The following KIAA1217 variants were observed in gnomAD, a reference collection of about 807,000 sequenced individuals.
The protein encoded by KIAA1217 is sickle tail protein homolog.
KIAA1217 carries 88 observed loss-of-function variants against 163.9 expected under a neutral mutation model. That is an observed-to-expected ratio of 0.54 (90% CI 0.45 to 0.64). KIAA1217 has a LOEUF of 0.64. Ranked by LOEUF, KIAA1217 falls within the 30% of genes least tolerant of loss-of-function variation. The pLI is 0.00. For missense variants in KIAA1217, 2,372 were observed against 2,475.0 expected (o/e 0.96, Z 0.88); for synonymous variants, 903 against 923.1 (o/e 0.98, Z 0.39).
At position 23,776,011 on chromosome 10, in the gene KIAA1217, C is replaced by G. The variant is rs1365130432; in HGVS notation, c.-321+80777C>G. On this transcript the variant is annotated intron_variant, in intron 1 of 18. Transcript: ENST00000376462. ...TGAAAGTTACATTGAATTAAAATGA[C>G]TTTCACAGAGTCACATAAAGAACTC... Among the ~76,000 whole-genome samples, 3 of 152,104 alleles carry G rather than the reference C, an allele frequency of 2.0e-5. No homozygotes were observed. In the East Asian group the frequency reaches 5.8e-4, roughly 29 times the overall value.
intron 10 of KIAA1217, among the ~76,000 whole-genome samples, chr10:24,517,336 G>C (rs373909729): frequency 1.1e-4 from 16 of 152,156 alleles, no homozygotes; most frequent in African/African-American, 3.9e-4. Context: ...ATAGCTAGAA[G>C]AGAAGAACTA....
chr10:24,000,586 A>G (rs1470057168), intron 1 of KIAA1217, among the ~76,000 whole-genome samples: 2 of 152,338 alleles, frequency 1.3e-5, no homozygotes, highest in Middle Eastern at 3.4e-3. Context: ...TCGGGCATTG[A>G]GTAACACAAT....
chr10:24,539,289 C>T lies in KIAA1217; in HGVS notation c.3534+2396C>T, dbSNP rs531164066. On this transcript the variant is annotated intron_variant, in intron 17 of 20. Coordinates refer to ENST00000376454, the MANE Select transcript of KIAA1217 (RefSeq NM_019590.5). ...TATCACCCAAGCTGGAGTGCAATGG[C>T]GCCATCTCAGCTCACTGCAACCTCC... Among the ~76,000 whole-genome samples, 13 of 152,066 alleles carry T rather than the reference C, an allele frequency of 8.5e-5. No individual in the cohort carries two copies. In the East Asian group the frequency reaches 1.6e-3, roughly 18 times the overall value.
rs1006854523 is a variant in KIAA1217 at position 23,695,802 on chromosome 10, G to C, written c.-321+568G>C. Among the ~76,000 whole-genome samples the C allele has an allele frequency of 1.3e-5, 2 of 152,218 alleles. No individual in the cohort carries two copies. Among genetic ancestry groups the C allele is most frequent in the Non-Finnish European group, 2.9e-5 (2 of 68,032 alleles). ...GAGACGCTCCAGACTCTCCGGAGGC[G>C]GCAGAGGTCGAGGCAGGAGGCGAAT... is the stretch of plus-strand genomic sequence containing the variant. On this transcript the variant is annotated intron_variant, in intron 1 of 18. Coordinates refer to the KIAA1217 transcript ENST00000376462. This position sits in a 1 kb window ranked among gnomAD's most constrained non-coding sequence, Gnocchi z 4.9.
In KIAA1217 at chr10:24,521,820, C is replaced by T. The variant is rs770917985; in HGVS notation, c.2347C>T (p.Leu783=). ...PTLQNKMRAI[L]RIEVEAVRFL... ...CTTACAAAACAAGATGCGAGCCATC[C>T]TGCGCATAGAAGTGGAGGCCGTGCG... The change falls in exon 12 of 21, where the codon CTG becomes TTG. Residue 783 remains leucine (L), a synonymous_variant. Coordinates refer to ENST00000376454, the MANE Select transcript of KIAA1217 (RefSeq NM_019590.5). 6.2e-7 allele frequency: 1 copy of T among 1,613,634 alleles called. No individual in the cohort carries two copies.
At chr10:24,155,683 T>C (rs1386687099) in intron 2 of KIAA1217, among the ~76,000 whole-genome samples, 1 of 151,912 alleles carries the variant, frequency 6.6e-6, no homozygotes, top group East Asian at 1.9e-4. Flanking sequence ...TTAGCTGGGC[T>C]CAGTGGCGGG....
chr10:24,532,930 T>A, intron 15 of KIAA1217, 140 bp from the exon 16 acceptor site: 1 of 654,002 alleles, frequency 1.5e-6, no homozygotes, highest in Non-Finnish European at 2.4e-6. Flanking sequence ...TGCAAAGGAA[T>A]AAAATAGCCT....
At chr10:23,745,598 T>C (rs1225161878) in intron 1 of KIAA1217, among the ~76,000 whole-genome samples, 2 of 152,208 alleles carry the variant, frequency 1.3e-5, no homozygotes, top group Non-Finnish European at 2.9e-5. Flanking sequence ...GTTTTAGCTG[T>C]ATATATATTA....
intron 16 of KIAA1217, 29 bp downstream of exon 16, chr10:24,533,266 T>G (rs750835968): frequency 1.8e-5 from 28 of 1,579,602 alleles, no homozygotes; most frequent in Non-Finnish European, 2.4e-5. Flanking sequence ...TGACATTGGC[T>G]CCTTGCCTCC....
chr10:24,461,593 T>G (rs1269932639), intron 5 of KIAA1217, among the ~76,000 whole-genome samples: 1 of 152,114 alleles, frequency 6.6e-6, no homozygotes, highest in Non-Finnish European at 1.5e-5. Flanking sequence ...TGGCCTCAGG[T>G]GATCCGCCCA....
chr10:23,916,268 T>G (rs1372874995), intron 1 of KIAA1217, among the ~76,000 whole-genome samples: 1 of 152,188 alleles, frequency 6.6e-6, no homozygotes, highest in Non-Finnish European at 1.5e-5. Context: ...TTCTCTAACC[T>G]CATTTCAATT....
At chr10:24,058,450 G>A (rs966653983) in intron 2 of KIAA1217, among the ~76,000 whole-genome samples, 1 of 152,082 alleles carries the variant, frequency 6.6e-6, no homozygotes, top group Admixed American at 6.6e-5. Context: ...GAATTTTGAT[G>A]AGGATTGCAT....
intron 3 of KIAA1217, among the ~76,000 whole-genome samples, chr10:24,423,705 A>T (rs1338536720): frequency 6.6e-6 from 1 of 152,022 alleles, no homozygotes; most frequent in Non-Finnish European, 1.5e-5. Flanking sequence ...TGATCTGCCC[A>T]CCTCAGTTTT....
intron 1 of KIAA1217, among the ~76,000 whole-genome samples, chr10:23,934,617 A>ATTT (rs1564545932): frequency 3.0e-5 from 2 of 66,218 alleles, no homozygotes; most frequent in Non-Finnish European, 5.3e-5. Flanking sequence ...GTATATATAT[A>ATTT]TATATATATT....
At chr10:24,122,410 A>AGGT (rs1433101394) in intron 2 of KIAA1217, among the ~76,000 whole-genome samples, 1 of 152,048 alleles carries the variant, frequency 6.6e-6, no homozygotes, top group East Asian at 1.9e-4. Flanking sequence ...ATGGGCATCT[A>AGGT]GGTTGATTCC....
chr10:24,192,179 G>C (rs1009144912), intron 2 of KIAA1217, among the ~76,000 whole-genome samples: 1 of 152,184 alleles, frequency 6.6e-6, no homozygotes, highest in Non-Finnish European at 1.5e-5. Flanking sequence ...GAGCGGAACA[G>C]TCACGCAGAA....
intron 2 of KIAA1217, among the ~76,000 whole-genome samples, chr10:24,295,507 G>T (rs558342976): frequency 6.6e-6 from 1 of 151,830 alleles, no homozygotes; most frequent in Non-Finnish European, 1.5e-5. Context: ...CCTTTCCTCC[G>T]CCCCTTTGTT....
At chr10:24,473,154 A>G in intron 5 of KIAA1217, 74 bp from the exon 6 acceptor site, 1 of 1,038,680 alleles carries the variant, frequency 9.6e-7, no homozygotes, top group Admixed American at 2.4e-5. Flanking sequence ...GGGAAGTCAC[A>G]CGGTTACACA....
chr10:24,199,722 C>T (rs1487615582), intron 2 of KIAA1217, among the ~76,000 whole-genome samples: 1 of 152,066 alleles, frequency 6.6e-6, no homozygotes, highest in Non-Finnish European at 1.5e-5. Context: ...ATGAATCAAA[C>T]TGTGTTTATT....
Sources: gnomAD v4.1 joint callset for allele counts (sites outside exome capture counted in the v4.1 genomes callset) on GRCh38, gnomAD v4.1.1 for gene constraint, Gnocchi (gnomAD v3.1) non-coding constraint, MANE v1.5 for transcripts, NCBI Gene and HGNC (gene_info 2026-07-23, HGNC 2026-07-21) for gene names.